The following TRPC4 variants were observed in gnomAD, a reference collection of about 807,000 sequenced individuals.
TRPC4 encodes short transient receptor potential channel 4.
A neutral mutation model predicts 99.4 loss-of-function variants in TRPC4; 49 were observed. The ratio of observed to expected loss-of-function variants is 0.49; its 90% CI spans 0.39 to 0.63. The LOEUF is 0.63. Ranked by LOEUF, TRPC4 falls within the 20% of genes least tolerant of loss-of-function variation. The pLI is 0.00. For missense variants in TRPC4, 898 were observed against 1,152.9 expected (o/e 0.78, Z 3.20); for synonymous variants, 454 against 425.9 (o/e 1.07, Z -0.81).
intron 5 of TRPC4, among the ~76,000 whole-genome samples, chr13:37,665,124 T>C (rs894334839): frequency 3.3e-5 from 5 of 152,200 alleles, no homozygotes; most frequent in African/African-American, 1.2e-4. Flanking sequence ...TACTAAACAT[T>C]ACCTAATTCT....
intron 2 of TRPC4, among the ~76,000 whole-genome samples, chr13:37,758,557 G>A (rs1956149635): frequency 6.6e-6 from 1 of 151,594 alleles, no homozygotes; most frequent in African/African-American, 2.4e-5. Context: ...AATGCAATAA[G>A]ATTAGAAAAT....
At chr13:37,747,082 C>T (rs752611292) in intron 2 of TRPC4, among the ~76,000 whole-genome samples, 1 of 152,120 alleles carries the variant, frequency 6.6e-6, no homozygotes, top group Non-Finnish European at 1.5e-5. Context: ...ACTAGCATTA[C>T]TGTTTTATTA....
chr13:37,806,650 A>G (rs1957536127), intron 1 of TRPC4, among the ~76,000 whole-genome samples: 1 of 152,068 alleles, frequency 6.6e-6, no homozygotes, highest in African/African-American at 2.4e-5. Flanking sequence ...TGTCCTTATT[A>G]AGACCTCAAG....
At chr13:37,838,858 T>C (rs1958648652) in intron 1 of TRPC4, among the ~76,000 whole-genome samples, 1 of 152,132 alleles carries the variant, frequency 6.6e-6, no homozygotes. Context: ...TTCTTAAGCC[T>C]CAGTACTTCT....
chr13:37,827,102 C>G (rs2762074), intron 1 of TRPC4, among the ~76,000 whole-genome samples: 49,493 of 151,426 alleles, frequency 0.33, 8,392 homozygotes, highest in East Asian at 0.53. Context: ...CGTAGTTCTC[C>G]AGCCTTGGTT....
chr13:37,822,683 G>C (rs1483230760), intron 1 of TRPC4, among the ~76,000 whole-genome samples: 1 of 151,986 alleles, frequency 6.6e-6, no homozygotes, highest in Non-Finnish European at 1.5e-5. Flanking sequence ...TTGGACATTT[G>C]GGTTGGTTCC....
chr13:37,809,467 G>GTT (rs11316952), intron 1 of TRPC4, among the ~76,000 whole-genome samples: 7 of 146,832 alleles, frequency 4.8e-5, no homozygotes, highest in African/African-American at 1.3e-4. Context: ...CGGGTTTTGT[G>GTT]TTTTTTTTTT....
At position 37,755,424 on chromosome 13, in the gene TRPC4, T is replaced by TTTTTTTA. The variant is rs1051212609; in HGVS notation, c.379-8976_379-8970dup. On this transcript the variant is annotated intron_variant, in intron 2 of 10. Coordinates refer to ENST00000379705, the MANE Select transcript of TRPC4 (RefSeq NM_016179.4). Reference sequence around the variant, plus strand: ...GCATAGCACCACCATACCTGGATAATTTTTTTATTTTTTATTTTTTTATTT... The same window carrying TTTTTTTA: ...GCATAGCACCACCATACCTGGATAATTTTTTTATTTTTTATTTTTTATTTTTTTATTT... Among the ~76,000 whole-genome samples, 12 of 13,952 alleles carry TTTTTTTA rather than the reference T, an allele frequency of 8.6e-4. No individual in the cohort carries two copies. In the Admixed American group the frequency reaches 0.016, roughly 18 times the overall value. The allele number at this position is 13,952 out of a possible 152,430, so 9.2% of individuals were successfully genotyped here.
At chr13:37,701,682 T>A (rs1461733956) in intron 3 of TRPC4, among the ~76,000 whole-genome samples, 1 of 152,104 alleles carries the variant, frequency 6.6e-6, no homozygotes, top group Non-Finnish European at 1.5e-5. Flanking sequence ...CTACTGTACG[T>A]GAGCATATTA....
At position 37,635,900 on chromosome 13, in the gene TRPC4, T is replaced by C. The variant is rs1322996660; in HGVS notation, c.*1003A>G. Among the ~76,000 whole-genome samples the C allele has an allele frequency of 6.6e-6, 1 of 152,116 alleles. No individual in the cohort carries two copies. The highest frequency in any genetic ancestry group is 1.9e-4 in the East Asian group (1 of 5,198). ...TAATTTTAAAGAAATATATAAAGATTACTGGTGAAAAGAGGAGACTGCTAG... is the reference window on the plus strand; with the variant it reads ...TAATTTTAAAGAAATATATAAAGATCACTGGTGAAAAGAGGAGACTGCTAG... On this transcript the variant is annotated 3_prime_UTR_variant, in exon 11 of 11. Coordinates refer to ENST00000379705, the MANE Select transcript of TRPC4 (RefSeq NM_016179.4).
chr13:37,706,578 T>C lies in TRPC4; in HGVS notation c.898-14243A>G, dbSNP rs371883007. On this transcript the variant is annotated intron_variant, in intron 3 of 10. Coordinates refer to ENST00000379705, the MANE Select transcript of TRPC4 (RefSeq NM_016179.4). ...GTGCCATGTTGGTGTGCTGCACCCATTAACTCATCATTTAGCATCAGGTAT... is the reference window on the plus strand; with the variant it reads ...GTGCCATGTTGGTGTGCTGCACCCACTAACTCATCATTTAGCATCAGGTAT... Among the ~76,000 whole-genome samples, 50 of 152,164 alleles carry C rather than the reference T, an allele frequency of 3.3e-4. 1 individual carries two copies. The South Asian group carries it at 9.7e-3, about 30-fold the overall frequency.
At chr13:37,755,895 A>T (rs1034701886) in intron 2 of TRPC4, among the ~76,000 whole-genome samples, 3 of 152,114 alleles carry the variant, frequency 2.0e-5, no homozygotes, top group Non-Finnish European at 4.4e-5. Flanking sequence ...GGCTTCAATA[A>T]AAATGTGCTA....
intron 1 of TRPC4, among the ~76,000 whole-genome samples, chr13:37,868,650 A>G (rs1366722642): frequency 4.6e-5 from 7 of 151,810 alleles, no homozygotes. Flanking sequence ...TTTTTTAATA[A>G]AACAACTAAA....
chr13:37,728,089 T>C (rs1349049607), intron 3 of TRPC4, among the ~76,000 whole-genome samples: 1 of 151,966 alleles, frequency 6.6e-6, no homozygotes, highest in Non-Finnish European at 1.5e-5. Flanking sequence ...GACATCATAC[T>C]CAATGGTGAA....
At position 37,812,185 on chromosome 13, in the gene TRPC4, A is replaced by AAAAAAAC. The variant is rs1555276085; in HGVS notation, c.-27-28826_-27-28825insGTTTTTT. ...CAGACTGAGACTCTATCAAAAAAAA[A>AAAAAAAC]AAAAAAAAAACCAGGAGATCTAATT... On this transcript the variant is annotated intron_variant, in intron 1 of 10. Coordinates refer to ENST00000379705, the MANE Select transcript of TRPC4 (RefSeq NM_016179.4). Among the ~76,000 whole-genome samples, 6 of 146,962 alleles carry AAAAAAAC rather than the reference A, an allele frequency of 4.1e-5. 1 individual carries two copies. Among genetic ancestry groups the AAAAAAAC allele is most frequent in the Non-Finnish European group, 6.0e-5 (4 of 66,862 alleles).
In TRPC4 at chr13:37,638,955, A is replaced by C. The variant is rs539094416; in HGVS notation, c.2211+85T>G. On this transcript the variant is annotated intron_variant, in intron 10 of 10. Coordinates refer to ENST00000379705, the MANE Select transcript of TRPC4 (RefSeq NM_016179.4). ...CAGGCTTGCTGGAACACACAGCTGC[A>C]TTTCCAGCTCTGATTTTAAATGTGC... The C allele has an allele frequency of 1.1e-5, 16 of 1,399,142 alleles. No homozygotes were observed. The East Asian group carries it at 3.7e-4, about 32-fold the overall frequency. The allele number at this position is 1,399,142 out of a possible 1,614,324, so 86.7% of individuals were successfully genotyped here. A position where few individuals can be genotyped will look rare whatever the true frequency, so the allele number is the denominator to read the frequency against.
At position 37,735,998 on chromosome 13, in the gene TRPC4, G is replaced by A. The variant is rs147538948; in HGVS notation, c.897+9939C>T. On this transcript the variant is annotated intron_variant, in intron 3 of 10. Coordinates refer to ENST00000379705, the MANE Select transcript of TRPC4 (RefSeq NM_016179.4). ...ACACAATTTCAAATTTAACTGTGGG[G>A]GAAAAAAACACTTTCAGTTAGGAAT... Among the ~76,000 whole-genome samples the A allele has an allele frequency of 2.2e-3, 336 of 151,896 alleles. 2 individuals are homozygous for A. The highest frequency in any genetic ancestry group is 7.6e-3 in the African/African-American group (317 of 41,444).
intron 8 of TRPC4, among the ~76,000 whole-genome samples, chr13:37,647,163 G>A (rs908986033): frequency 6.6e-6 from 1 of 152,142 alleles, no homozygotes; most frequent in African/African-American, 2.4e-5. Context: ...ACCCTGAAGA[G>A]TACTGGTTTC....
chr13:37,832,277 G>T (rs1355684172), intron 1 of TRPC4, among the ~76,000 whole-genome samples: 1 of 152,094 alleles, frequency 6.6e-6, no homozygotes, highest in Non-Finnish European at 1.5e-5. Context: ...GCCACGCGCT[G>T]TAGCCTGTAA....
Sources: gnomAD v4.1 joint callset for allele counts (sites outside exome capture counted in the v4.1 genomes callset) on GRCh38, gnomAD v4.1.1 for gene constraint, MANE v1.5 for transcripts, NCBI Gene and HGNC (gene_info 2026-07-23, HGNC 2026-07-21) for gene names.